Variants in RBFOX3 observed in about 807,000 individuals in gnomAD.
RBFOX3 encodes RNA binding protein fox-1 homolog 3.
Under a neutral mutation model 48.7 loss-of-function variants are expected in RBFOX3, and 17 were observed. The ratio of observed to expected loss-of-function variants is 0.35; its 90% confidence interval spans 0.24 to 0.52. RBFOX3 has a LOEUF of 0.52. Ranked by LOEUF, RBFOX3 falls within the 20% of genes least tolerant of loss-of-function variation. The pLI is 0.94. For synonymous variants in RBFOX3, 212 were observed against 209.5 expected, an observed-to-expected ratio of 1.01 and a Z score of -0.10; for missense variants, 382 against 497.5, an observed-to-expected ratio of 0.77 and a Z score of 2.21.
At chr17:79,097,268 G>A in intron 11 of RBFOX3, 24 bp downstream of exon 11, 1 of 1,200,692 alleles carries the variant, frequency 8.3e-7, no homozygotes, top group Non-Finnish European at 1.1e-6. Context: ...CCTCCTCCAC[G>A]CCTCCCCCGG....
At chr17:79,613,306 C>T (rs1335237715), upstream of RBFOX3, among the ~76,000 whole-genome samples, 3 of 152,328 alleles carry the variant, frequency 2.0e-5, no homozygotes, top group Middle Eastern at 3.4e-3. Context: ...AGGGCCTGCG[C>T]GTGAGGACAC....
At chr17:79,398,954 G>A (rs2062414459) in intron 2 of RBFOX3, among the ~76,000 whole-genome samples, 1 of 152,186 alleles carries the variant, frequency 6.6e-6, no homozygotes. Flanking sequence ...GAGGTCATAG[G>A]GTGAGCCCTA....
chr17:79,647,244 G>T, the RBFOX3 span, among the ~76,000 whole-genome samples: 1 of 151,982 alleles, frequency 6.6e-6, no homozygotes, highest in Non-Finnish European at 1.5e-5. Flanking sequence ...CACCGGTGTC[G>T]CCTGCAGAAA....
intron 1 of RBFOX3, among the ~76,000 whole-genome samples, chr17:79,572,295 G>A (rs1048133679): frequency 1.5e-4 from 23 of 152,124 alleles, no homozygotes; most frequent in African/African-American, 4.6e-4. Flanking sequence ...GCATCGCCCC[G>A]CCACCCGGCT....
rs572662800 is a variant in RBFOX3 at position 79,379,102 on chromosome 17, C to T, written c.-174-71278G>A. Among the ~76,000 whole-genome samples the T allele has an allele frequency of 7.9e-5, 12 of 152,320 alleles. No individual in the cohort carries two copies. The South Asian group carries it at 2.5e-3, about 32-fold the overall frequency. ...CCATCCCAAGCCTGATGGACACGTT[C>T]CACCACCTCTGCCACTCCCAGCCCC... On this transcript the variant is annotated intron_variant, in intron 2 of 14. Transcript: ENST00000693108.
intron 2 of RBFOX3, among the ~76,000 whole-genome samples, chr17:79,365,281 G>A (rs1437736486): frequency 2.0e-5 from 3 of 152,152 alleles, no homozygotes; most frequent in Non-Finnish European, 4.4e-5. Context: ...CAGCAGAAGT[G>A]GGAGGGATGA....
chr17:79,362,573 G>A lies in RBFOX3; in HGVS notation c.-174-54749C>T, dbSNP rs2086585306. ...TTGGGATGGAGATGGGAGCCTTTAT[G>A]TCCCGCGTGTGAGGGGCCCAGAGGC... is the stretch of plus-strand genomic sequence containing the variant. On this transcript the variant is annotated intron_variant, in intron 2 of 14. Transcript: ENST00000693108. The surrounding 1 kb of genome is among the most constrained non-coding windows in gnomAD (Gnocchi z 4.2). 6.6e-6 allele frequency among the ~76,000 whole-genome samples: 1 copy of A among 152,212 alleles called. No individual in the cohort carries two copies. Among genetic ancestry groups the A allele is most frequent in the Admixed American group, 6.5e-5 (1 of 15,286 alleles).
Position 79,097,653 on chromosome 17 carries a change from G to A in RBFOX3, c.622+39C>T, listed in dbSNP as rs921731257. On this transcript the variant is annotated intron_variant, in intron 10 of 14. Coordinates refer to ENST00000693108, the MANE Select transcript of RBFOX3 (RefSeq NM_001350451.2). ...CCCCGGAGCCCCACGGGGCCAAGTA[G>A]CTGGTCTCATCCCATCCCCGCCCCG... is the stretch of plus-strand genomic sequence containing the variant. The A allele has an allele frequency of 2.1e-6, 3 of 1,408,560 alleles. No homozygotes were observed. The African/African-American group carries it at 4.4e-5, about 20-fold the overall frequency. 87.3% of individuals were successfully genotyped at this position (1,408,560 alleles called of 1,614,324 possible). A position where few individuals can be genotyped will look rare whatever the true frequency, so the allele number is the denominator to read the frequency against.
At chr17:79,493,117 G>A (rs1299517380) in intron 1 of RBFOX3, among the ~76,000 whole-genome samples, 1 of 152,114 alleles carries the variant, frequency 6.6e-6, no homozygotes, top group African/African-American at 2.4e-5. Context: ...TCCACTCATG[G>A]TGGAAGCTGA....
At chr17:79,371,715 G>A (rs919951763) in intron 2 of RBFOX3, among the ~76,000 whole-genome samples, 3 of 152,122 alleles carry the variant, frequency 2.0e-5, no homozygotes, top group East Asian at 1.9e-4. Context: ...CGAAAATGTG[G>A]AAACCACGTG....
At chr17:79,500,326 C>T (rs2082223012) in intron 1 of RBFOX3, among the ~76,000 whole-genome samples, 1 of 144,584 alleles carries the variant, frequency 6.9e-6, no homozygotes, top group Non-Finnish European at 1.5e-5. Context: ...GGTGCAATCT[C>T]GGCTCACTGC....
rs1013409104 is a variant in RBFOX3, at chr17:79,363,161, C to A, written c.-174-55337G>T. Among the ~76,000 whole-genome samples, 1 of 152,176 alleles carries A rather than the reference C, an allele frequency of 6.6e-6. No homozygotes were observed. Among genetic ancestry groups the A allele is most frequent in the Non-Finnish European group, 1.5e-5 (1 of 68,022 alleles). On this transcript the variant is annotated intron_variant, in intron 2 of 14. Transcript: ENST00000693108. This position sits in a 1 kb window ranked among gnomAD's most constrained non-coding sequence, Gnocchi z 4.7. ...GGAGATGGAGGGGAGGCACATGACT[C>A]CTGTGTCTGAGGTGGCTCCTGCACT... is the stretch of plus-strand genomic sequence containing the variant.
At chr17:79,389,852 T>C (rs2061112623) in intron 2 of RBFOX3, among the ~76,000 whole-genome samples, 1 of 152,214 alleles carries the variant, frequency 6.6e-6, no homozygotes, top group South Asian at 2.1e-4. Flanking sequence ...AGGGCCATGC[T>C]CAGATACTGC....
At chr17:79,531,112 C>G (rs2087703173) in intron 1 of RBFOX3, among the ~76,000 whole-genome samples, 1 of 152,270 alleles carries the variant, frequency 6.6e-6, no homozygotes, top group Admixed American at 6.5e-5. Context: ...TGCCCACTTT[C>G]TCCTTGGAAG....
intron 1 of RBFOX3, among the ~76,000 whole-genome samples, chr17:79,559,728 G>T (rs2092070801): frequency 1.4e-5 from 2 of 147,644 alleles, no homozygotes; most frequent in African/African-American, 5.0e-5. Flanking sequence ...GTGGTGGATG[G>T]ATGGGTGAAT....
intron 1 of RBFOX3, among the ~76,000 whole-genome samples, chr17:79,506,412 G>A (rs1011008661): frequency 2.3e-4 from 35 of 152,198 alleles, no homozygotes; most frequent in Non-Finnish European, 4.1e-4. Flanking sequence ...GATGCCGAGC[G>A]GCCATCTGTC....
chr17:79,616,610 T>TACACACACACAC, the RBFOX3 span, among the ~76,000 whole-genome samples: 6 of 100,102 alleles, frequency 6.0e-5, no homozygotes. Flanking sequence ...CACACACACG[T>TACACACACACAC]GTTACTACTT....
chr17:79,405,126 C>G (rs1022486360), intron 2 of RBFOX3, among the ~76,000 whole-genome samples: 2 of 152,156 alleles, frequency 1.3e-5, no homozygotes, highest in Non-Finnish European at 2.9e-5. Flanking sequence ...TGATTTTCCC[C>G]CAACATTTTA....
intron 2 of RBFOX3, among the ~76,000 whole-genome samples, chr17:79,447,103 C>T (rs942115297): frequency 3.3e-5 from 5 of 152,248 alleles, no homozygotes; most frequent in South Asian, 2.1e-4. Context: ...CAAGCTTGGA[C>T]GTGCAGTCCC....
Sources: gnomAD v4.1 joint callset for allele counts (sites outside exome capture counted in the v4.1 genomes callset) on GRCh38, gnomAD v4.1.1 for gene constraint, Gnocchi (gnomAD v3.1) non-coding constraint, MANE v1.5 for transcripts, NCBI Gene and HGNC (gene_info 2026-07-23, HGNC 2026-07-21) for gene names.